ATOH7: variants seen among roughly 807,000 people sequenced by gnomAD.
ATOH7 encodes transcription factor ATOH7.
In ATOH7, 11 loss-of-function variants were observed where a neutral mutation model predicts 11.0. That is an observed-to-expected ratio of 1.00 (90% CI 0.63 to 1.66). The LOEUF is 1.66. Ranked by LOEUF, ATOH7 falls within the 40% of genes most tolerant of loss-of-function variation. The probability of loss-of-function intolerance (pLI) is 0.00; values close to 1 mark genes in which losing one functional copy is unlikely to be tolerated. For synonymous variants in ATOH7, 98 were observed against 98.3 expected, an observed-to-expected ratio of 1.00 and a Z score of 0.02; for missense variants, 232 against 219.2, an observed-to-expected ratio of 1.06 and a Z score of -0.37.
At position 68,231,492 on chromosome 10, in the gene ATOH7, G is replaced by C. The variant is rs1329398468; in HGVS notation, c.186C>G (p.Arg62=). 1 of 1,576,040 alleles carries C rather than the reference G, an allele frequency of 6.3e-7. No homozygotes were observed. ...CCCACTGGGGAACCACCCTGCGTAA[G>C]CGGTCGAAGGCAGTGTTGAGCCCCT... ...RMQGLNTAFD[R]LRRVVPQWGQ... Residue 62 remains arginine, a synonymous_variant, in exon 1 of 1, where the codon CGC becomes CGG. Coordinates refer to ENST00000373673, the MANE Select transcript of ATOH7 (RefSeq NM_145178.4).
In ATOH7 at chr10:68,231,314, G is replaced by A. The variant is rs778283214; in HGVS notation, c.364C>T (p.Leu122Phe). 1 of 1,612,670 alleles carries A rather than the reference G, an allele frequency of 6.2e-7. No individual in the cohort carries two copies. The highest frequency in any genetic ancestry group is 8.5e-7 in the Non-Finnish European group (1 of 1,179,638). Residue 122 changes from leucine (L) to phenylalanine (F), a missense_variant, in exon 1 of 1, where the codon CTC becomes TTC. Coordinates refer to ENST00000373673, the MANE Select transcript of ATOH7 (RefSeq NM_145178.4). Reference sequence around the variant, plus strand: ...GGCAGCTTCGCGCCCGGGAACGGGAGGTAGTGGTCGCGGCCGAAGTGCTCA... The same window carrying A: ...GGCAGCTTCGCGCCCGGGAACGGGAAGTAGTGGTCGCGGCCGAAGTGCTCA... ...HCEHFGRDHY[L>F]PFPGAKLPGE... is the part of the protein sequence containing the mutation.
At position 68,231,493 on chromosome 10, in the gene ATOH7, C is replaced by A. The variant is rs764973331; in HGVS notation, c.185G>T (p.Arg62Leu). 6.3e-7 allele frequency: 1 copy of A among 1,575,024 alleles called. No homozygotes were observed. Among genetic ancestry groups the A allele is most frequent in the South Asian group, 1.1e-5 (1 of 87,418 alleles). The change falls in exon 1 of 1, where the codon CGC (arginine) becomes CTC (leucine). Residue 62 changes from arginine (R) to leucine (L), a missense_variant. Arg to Leu is a moderately radical substitution (Grantham distance 102, BLOSUM62 -2). Transcript: ENST00000373673. Reference sequence around the variant, plus strand: ...CCACTGGGGAACCACCCTGCGTAAGCGGTCGAAGGCAGTGTTGAGCCCCTG... The same window carrying A: ...CCACTGGGGAACCACCCTGCGTAAGAGGTCGAAGGCAGTGTTGAGCCCCTG... ...RMQGLNTAFD[R>L]LRRVVPQWGQ...
chr10:68,231,627 G>A lies in ATOH7; in HGVS notation c.51C>T (p.Pro17=). ...CGCACTCGGTGCCGCCCGCGCACGG[G>A]GGTGCAACGCGCGCTCCCGCCGGCG... ...SGPPAGARVA[P]PCAGGTECAG... Residue 17 remains proline, a synonymous_variant, in exon 1 of 1, where the codon CCC becomes CCT. Coordinates refer to ENST00000373673, the MANE Select transcript of ATOH7 (RefSeq NM_145178.4). 2.6e-6 allele frequency: 3 copies of A among 1,168,016 alleles called. No homozygotes were observed. Among genetic ancestry groups the A allele is most frequent in the Non-Finnish European group, 3.2e-6 (3 of 945,718 alleles). 72.4% of individuals were successfully genotyped at this position (1,168,016 alleles called of 1,614,324 possible).
rs1005769635 is a variant in ATOH7 at position 68,231,033 on chromosome 10, G to T, written c.*186C>A. 3 of 515,458 alleles carry T rather than the reference G, an allele frequency of 5.8e-6. No homozygotes were observed. The highest frequency in any genetic ancestry group is 4.2e-5 in the Admixed American group (1 of 23,650). The allele number at this position is 515,458 out of a possible 1,614,324, so 31.9% of individuals were successfully genotyped here. A position where few individuals can be genotyped will look rare whatever the true frequency, so the allele number is the denominator to read the frequency against. ...CAAAATACAAAGGAGGAGGGGAAAA[G>T]AAAGGCAATTAAATGATTGCGTCCA... On this transcript the variant is annotated 3_prime_UTR_variant, in exon 1 of 1. Transcript: ENST00000373673.
rs1564710773 is a variant in ATOH7, at chr10:68,231,256, AAG to A, written c.420_421del (p.Phe141ArgfsTer34). ...CTGGAAGGGCTCGGGCTGGAAGCCG[AAG>A]AGTCTCTGGCTGTACAGCTCGCTCT... On this transcript the variant is annotated frameshift_variant, in exon 1 of 1. Coordinates refer to ENST00000373673, the MANE Select transcript of ATOH7 (RefSeq NM_145178.4). LOFTEE classifies it high-confidence loss of function. 1.3e-6 allele frequency: 2 copies of A among 1,579,312 alleles called. No individual in the cohort carries two copies. Among genetic ancestry groups the A allele is most frequent in the African/African-American group, 2.7e-5 (2 of 73,152 alleles).
chr10:68,231,670 G>A lies in ATOH7; in HGVS notation c.8C>T (p.Ser3Phe), dbSNP rs1032692523. The change falls in exon 1 of 1, where the codon TCC becomes TTC. Residue 3 changes from serine (S) to phenylalanine (F), a missense_variant. Coordinates refer to ENST00000373673, the MANE Select transcript of ATOH7 (RefSeq NM_145178.4). ...CGCCGGCGGGCCGCTGGGCTTGCAG[G>A]ACTTCATCCCCGGCCCCAAGCAGCG... MK[S>F]CKPSGPPAGA... The A allele has an allele frequency of 4.7e-5, 56 of 1,179,862 alleles. No homozygotes were observed. In the Middle Eastern group the frequency reaches 1.4e-3, roughly 29 times the overall value. The allele number at this position is 1,179,862 out of a possible 1,614,324, so 73.1% of individuals were successfully genotyped here.
In ATOH7 at chr10:68,231,242, C is replaced by T. The variant is rs777498271; in HGVS notation, c.436G>A (p.Glu146Lys). Residue 146 changes from glutamate (E) to lysine (K), a missense_variant, in exon 1 of 1, where the codon GAG becomes AAG. Physicochemically the swap from Glu to Lys is moderately conservative, Grantham distance 56. Transcript: ENST00000373673. ...YSQRLFGFQPEPFQMAT is the reference protein window; with the variant it reads ...YSQRLFGFQPKPFQMAT ...CCCTAGGTGGCCATCTGGAAGGGCTCGGGCTGGAAGCCGAAGAGTCTCTGG... is the reference window on the plus strand; with the variant it reads ...CCCTAGGTGGCCATCTGGAAGGGCTTGGGCTGGAAGCCGAAGAGTCTCTGG... 146 of 1,561,816 alleles carry T rather than the reference C, an allele frequency of 9.3e-5. No homozygotes were observed. The highest frequency in any genetic ancestry group is 1.2e-4 in the Non-Finnish European group (142 of 1,154,096).
chr10:68,231,518 G>C lies in ATOH7; in HGVS notation c.160C>G (p.Gln54Glu), dbSNP rs2044027080. 1 of 1,371,326 alleles carries C rather than the reference G, an allele frequency of 7.3e-7. No homozygotes were observed. Among genetic ancestry groups the C allele is most frequent in the East Asian group, 2.8e-5 (1 of 35,854 alleles). 84.9% of individuals were successfully genotyped at this position (1,371,326 alleles called of 1,614,324 possible). A position where few individuals can be genotyped will look rare whatever the true frequency, so the allele number is the denominator to read the frequency against. The change falls in exon 1 of 1, where the codon CAG becomes GAG. Residue 54 changes from glutamine (Q) to glutamate (E), a missense_variant. Transcript: ENST00000373673. ...AANARERRRM[Q>E]GLNTAFDRLR... is the part of the protein sequence containing the mutation. ...CGGTCGAAGGCAGTGTTGAGCCCCT[G>C]CATGCGGCGGCGCTCGCGCGCGTTG... is the stretch of plus-strand genomic sequence containing the variant.
chr10:68,231,037 G>A lies in ATOH7; in HGVS notation c.*182C>T. 2 of 516,218 alleles carry A rather than the reference G, an allele frequency of 3.9e-6. No homozygotes were observed. Among genetic ancestry groups the A allele is most frequent in the South Asian group, 4.5e-5 (1 of 22,384 alleles). 32.0% of individuals were successfully genotyped at this position (516,218 alleles called of 1,614,324 possible). Reference sequence around the variant, plus strand: ...ATACAAAGGAGGAGGGGAAAAGAAAGGCAATTAAATGATTGCGTCCATAGG... The same window carrying A: ...ATACAAAGGAGGAGGGGAAAAGAAAAGCAATTAAATGATTGCGTCCATAGG... On this transcript the variant is annotated 3_prime_UTR_variant, in exon 1 of 1. Transcript: ENST00000373673.
In ATOH7 at chr10:68,231,410, T is replaced by C; in HGVS notation, c.268A>G (p.Met90Val). The part of the protein sequence containing the change: ...ETLQMALSYI[M>V]ALTRILAEAE... ...TCGGCCAGGATCCGGGTCAGAGCCA[T>C]GATGTAGCTCAGGGCCATCTGCAGG... Residue 90 changes from methionine (M) to valine (V), a missense_variant, in exon 1 of 1, where the codon ATG becomes GTG. Met to Val is a conservative substitution (Grantham distance 21). Coordinates refer to ENST00000373673, the MANE Select transcript of ATOH7 (RefSeq NM_145178.4). 6.2e-7 allele frequency: 1 copy of C among 1,613,964 alleles called. No homozygotes were observed. The highest frequency in any genetic ancestry group is 1.7e-4 in the Middle Eastern group (1 of 6,060).
At position 68,231,073 on chromosome 10, in the gene ATOH7, C is replaced by G. The variant is rs1589630381; in HGVS notation, c.*146G>C. 1.3e-6 allele frequency: 1 copy of G among 764,172 alleles called. No individual in the cohort carries two copies. Among genetic ancestry groups the G allele is most frequent in the South Asian group, 2.3e-5 (1 of 43,340 alleles). 47.3% of individuals were successfully genotyped at this position (764,172 alleles called of 1,614,324 possible). Reference sequence around the variant, plus strand: ...GATTGCGTCCATAGGTCTGATGATGCGAATAAAGGTAATCTGAGAATCGAC... The same window carrying G: ...GATTGCGTCCATAGGTCTGATGATGGGAATAAAGGTAATCTGAGAATCGAC... On this transcript the variant is annotated 3_prime_UTR_variant, in exon 1 of 1. Coordinates refer to ENST00000373673, the MANE Select transcript of ATOH7 (RefSeq NM_145178.4).
chr10:68,231,093 A>G lies in ATOH7; in HGVS notation c.*126T>C. ...TGATGCGAATAAAGGTAATCTGAGAATCGACTAATTTTCCTCGAGGATTGC... is the reference window on the plus strand; with the variant it reads ...TGATGCGAATAAAGGTAATCTGAGAGTCGACTAATTTTCCTCGAGGATTGC... On this transcript the variant is annotated 3_prime_UTR_variant, in exon 1 of 1. Transcript: ENST00000373673. 1.0e-6 allele frequency: 1 copy of G among 958,842 alleles called. No individual in the cohort carries two copies. Among genetic ancestry groups the G allele is most frequent in the Non-Finnish European group, 1.5e-6 (1 of 684,018 alleles). The allele number at this position is 958,842 out of a possible 1,614,324, so 59.4% of individuals were successfully genotyped here.
In ATOH7 at chr10:68,231,159, TG is replaced by T; in HGVS notation, c.*59del. 1 of 1,402,374 alleles carries T rather than the reference TG, an allele frequency of 7.1e-7. No individual in the cohort carries two copies. Among genetic ancestry groups the T allele is most frequent in the Non-Finnish European group, 9.3e-7 (1 of 1,073,228 alleles). 86.9% of individuals were successfully genotyped at this position (1,402,374 alleles called of 1,614,324 possible). ...GGCCGCCGGAGGCTTCTGGGCTACT[TG>T]GGGCAGGGCCGAGGCTCGGAGCGGC... On this transcript the variant is annotated 3_prime_UTR_variant, in exon 1 of 1. Coordinates refer to ENST00000373673, the MANE Select transcript of ATOH7 (RefSeq NM_145178.4).
chr10:68,231,408 C>A lies in ATOH7; in HGVS notation c.270G>T (p.Met90Ile), dbSNP rs1464817507. ...ETLQMALSYI[M>I]ALTRILAEAE... ...CCTCGGCCAGGATCCGGGTCAGAGC[C>A]ATGATGTAGCTCAGGGCCATCTGCA... The change falls in exon 1 of 1, where the codon ATG (methionine) becomes ATT (isoleucine). Residue 90 changes from methionine (M) to isoleucine (I), a missense_variant. By Grantham distance (10) the Met-to-Ile change is conservative (BLOSUM62 1). Transcript: ENST00000373673. The A allele has an allele frequency of 1.2e-6, 2 of 1,613,986 alleles. No individual in the cohort carries two copies. Among genetic ancestry groups the A allele is most frequent in the Admixed American group, 3.3e-5 (2 of 60,020 alleles).
chr10:68,231,160 GGGGCA>G lies in ATOH7; in HGVS notation c.*54_*58del. The G allele has an allele frequency of 7.1e-7, 1 of 1,402,492 alleles. No individual in the cohort carries two copies. Among genetic ancestry groups the G allele is most frequent in the Non-Finnish European group, 9.3e-7 (1 of 1,072,968 alleles). The allele number at this position is 1,402,492 out of a possible 1,614,324, so 86.9% of individuals were successfully genotyped here. ...GCCGCCGGAGGCTTCTGGGCTACTT[GGGGCA>G]GGGCCGAGGCTCGGAGCGGCTGCCG... On this transcript the variant is annotated 3_prime_UTR_variant, in exon 1 of 1. Transcript: ENST00000373673.
rs1377061137 is a variant in ATOH7, at chr10:68,230,676, TAC to T, written c.*541_*542del. 2 of 152,160 alleles carry T rather than the reference TAC, an allele frequency of 1.3e-5. No individual in the cohort carries two copies. Among genetic ancestry groups the T allele is most frequent in the African/African-American group, 2.4e-5 (1 of 41,424 alleles). The allele number at this position is 152,160 out of a possible 1,614,324, so 9.4% of individuals were successfully genotyped here. A position where few individuals can be genotyped will look rare whatever the true frequency, so the allele number is the denominator to read the frequency against. ...ATAATGTGTACACAGTTTAAAAAAA[TAC>T]AGAGCACCGATACCCATGTACTGTA... On this transcript the variant is annotated 3_prime_UTR_variant, in exon 1 of 1. Coordinates refer to ENST00000373673, the MANE Select transcript of ATOH7 (RefSeq NM_145178.4).
rs946625601 is a variant in ATOH7 at position 68,230,924 on chromosome 10, C to T, written c.*295G>A. On this transcript the variant is annotated 3_prime_UTR_variant, in exon 1 of 1. Transcript: ENST00000373673. ...ATCCTATTTTTCTTAAGATTGTTTTCCCTCAAAGTAGCCCAGAAAAGGGGA... is the reference window on the plus strand; with the variant it reads ...ATCCTATTTTTCTTAAGATTGTTTTTCCTCAAAGTAGCCCAGAAAAGGGGA... The T allele has an allele frequency of 8.4e-5, 30 of 356,594 alleles. No homozygotes were observed. The highest frequency in any genetic ancestry group is 6.6e-4 in the Admixed American group (14 of 21,174). 22.1% of individuals were successfully genotyped at this position (356,594 alleles called of 1,614,324 possible). A position where few individuals can be genotyped will look rare whatever the true frequency, so the allele number is the denominator to read the frequency against.
chr10:68,231,663 C>G lies in ATOH7; in HGVS notation c.15G>C (p.Lys5Asn). 1 of 1,177,102 alleles carries G rather than the reference C, an allele frequency of 8.5e-7. No individual in the cohort carries two copies. The highest frequency in any genetic ancestry group is 4.2e-5 in the South Asian group (1 of 23,798). 72.9% of individuals were successfully genotyped at this position (1,177,102 alleles called of 1,614,324 possible). The stretch of plus-strand genomic sequence containing the variant: ...GCGCTCCCGCCGGCGGGCCGCTGGG[C>G]TTGCAGGACTTCATCCCCGGCCCCA... The part of the protein sequence containing the change: MKSC[K>N]PSGPPAGARV... Residue 5 changes from lysine (K) to asparagine (N), a missense_variant, in exon 1 of 1, where the codon AAG becomes AAC. Coordinates refer to ENST00000373673, the MANE Select transcript of ATOH7 (RefSeq NM_145178.4).
At position 68,231,381 on chromosome 10, in the gene ATOH7, G is replaced by C; in HGVS notation, c.297C>G (p.Ala99=). ...AGTCCCGCTCCGAGCCGAATCGCTCGGCCTCGGCCAGGATCCGGGTCAGAG... is the reference window on the plus strand; with the variant it reads ...AGTCCCGCTCCGAGCCGAATCGCTCCGCCTCGGCCAGGATCCGGGTCAGAG... ...IMALTRILAE[A]ERFGSERDWV... is the part of the protein sequence containing the mutation. Residue 99 remains alanine, a synonymous_variant, in exon 1 of 1, where the codon GCC becomes GCG. Transcript: ENST00000373673. 6.2e-7 allele frequency: 1 copy of C among 1,613,888 alleles called. No individual in the cohort carries two copies. Among genetic ancestry groups the C allele is most frequent in the Non-Finnish European group, 8.5e-7 (1 of 1,179,932 alleles).
Sources: allele counts gnomAD v4.1 joint callset, GRCh38; gene constraint gnomAD v4.1.1; transcripts MANE v1.5; gene names NCBI Gene and HGNC (gene_info 2026-07-23, HGNC 2026-07-21).